MDGA2: variants seen among roughly 807,000 people sequenced by gnomAD.
MDGA2 encodes the protein MAM domain-containing glycosylphosphatidylinositol anchor protein 2.
A neutral mutation model predicts 117.8 loss-of-function variants in MDGA2; 40 were observed. That is an observed-to-expected ratio of 0.34 (90% CI 0.26 to 0.44). The LOEUF (loss-of-function observed/expected upper bound fraction) is 0.44, where lower values mean the gene tolerates loss of function less well. Among genes scored for constraint, MDGA2 ranks in the 20% least tolerant of loss-of-function variants. The probability of loss-of-function intolerance (pLI) is 1.00; values close to 1 mark genes in which losing one functional copy is unlikely to be tolerated. For synonymous variants in MDGA2, 452 were observed against 439.0 expected, an observed-to-expected ratio of 1.03 and a Z score of -0.37; for missense variants, 1,123 against 1,250.6, an observed-to-expected ratio of 0.90 and a Z score of 1.54.
intron 8 of MDGA2, among the ~76,000 whole-genome samples, chr14:47,027,452 C>T (rs1406568549): frequency 1.3e-5 from 2 of 151,920 alleles, no homozygotes; most frequent in Non-Finnish European, 2.9e-5. Flanking sequence ...AATTTTAATA[C>T]ATACACTTTA....
intron 1 of MDGA2, among the ~76,000 whole-genome samples, chr14:47,408,595 T>C (rs1225106501): frequency 6.6e-6 from 1 of 152,148 alleles, no homozygotes; most frequent in African/African-American, 2.4e-5. Flanking sequence ...GCAAGGACAA[T>C]GAAACCTCCA....
chr14:46,991,249 G>T (rs1204824385), intron 8 of MDGA2, among the ~76,000 whole-genome samples: 1 of 152,082 alleles, frequency 6.6e-6, no homozygotes. Context: ...GCCTTAGAAA[G>T]GTCATTTCCT....
intron 1 of MDGA2, among the ~76,000 whole-genome samples, chr14:47,406,595 G>C (rs749643540): frequency 2.6e-5 from 4 of 151,952 alleles, no homozygotes; most frequent in Non-Finnish European, 5.9e-5. Flanking sequence ...AGAAAGAATA[G>C]ACAGAAAGAG....
intron 1 of MDGA2, among the ~76,000 whole-genome samples, chr14:47,517,285 C>T (rs1335772809): frequency 6.6e-6 from 1 of 152,030 alleles, no homozygotes. Flanking sequence ...AAGCTTAAAA[C>T]ACCCCAGAGC....
chr14:47,273,238 T>C (rs1888204851), intron 2 of MDGA2, among the ~76,000 whole-genome samples: 1 of 152,172 alleles, frequency 6.6e-6, no homozygotes, highest in Non-Finnish European at 1.5e-5. Context: ...TCATAATTGT[T>C]ACTTAAAGCC....
At chr14:47,021,813 A>C (rs1228508950) in intron 8 of MDGA2, among the ~76,000 whole-genome samples, 1 of 152,200 alleles carries the variant, frequency 6.6e-6, no homozygotes, top group Admixed American at 6.5e-5. Context: ...AAGTCACACA[A>C]TTAAAATTGG....
chr14:47,021,796 C>G (rs1273077763), intron 8 of MDGA2, among the ~76,000 whole-genome samples: 2 of 152,106 alleles, frequency 1.3e-5, no homozygotes, highest in African/African-American at 4.8e-5. Context: ...ATGGTAGAAA[C>G]AGACACAAGT....
At chr14:47,571,454 C>T (rs557365320) in intron 1 of MDGA2, among the ~76,000 whole-genome samples, 73 of 152,184 alleles carry the variant, frequency 4.8e-4, no homozygotes, top group Admixed American at 1.1e-3. Flanking sequence ...CACATGCACA[C>T]GTATATTTAT....
chr14:47,253,790 AC>A (rs1887525966), intron 2 of MDGA2, among the ~76,000 whole-genome samples: 1 of 152,198 alleles, frequency 6.6e-6, no homozygotes, highest in Admixed American at 6.5e-5. Context: ...TCCCTTCCAC[AC>A]TGGCCTAGCA....
chr14:46,965,269 T>C (rs1885982445), intron 8 of MDGA2, among the ~76,000 whole-genome samples: 1 of 152,050 alleles, frequency 6.6e-6, no homozygotes, highest in Non-Finnish European at 1.5e-5. Flanking sequence ...TCTTTGAAAG[T>C]ATCCGACTTA....
intron 1 of MDGA2, among the ~76,000 whole-genome samples, chr14:47,595,107 T>C (rs115336806): frequency 0.02 from 3,099 of 152,220 alleles, 101 homozygotes; most frequent in African/African-American, 0.069. Context: ...GTTACTCTCT[T>C]ATCCCCGAAA....
chr14:47,131,647 G>C, intron 5 of MDGA2, 67 bp downstream of exon 5: 1 of 1,290,304 alleles, frequency 7.8e-7, no homozygotes, highest in Non-Finnish European at 1.0e-6. Context: ...CTTTAAAAAA[G>C]TTAAAGAGAG....
chr14:47,605,203 A>G (rs1332764949), intron 1 of MDGA2, among the ~76,000 whole-genome samples: 2 of 152,182 alleles, frequency 1.3e-5, no homozygotes, highest in Non-Finnish European at 2.9e-5. Flanking sequence ...TTTTTCAATG[A>G]GTAACACAGC....
intron 1 of MDGA2, among the ~76,000 whole-genome samples, chr14:47,434,736 TTTAG>T (rs1227858661): frequency 6.6e-6 from 1 of 152,154 alleles, no homozygotes; most frequent in African/African-American, 2.4e-5. Flanking sequence ...TCTAGTTTTA[TTTAG>T]TTATAGTTAC....
chr14:46,977,685 T>G (rs770805299), intron 8 of MDGA2, among the ~76,000 whole-genome samples: 1 of 151,968 alleles, frequency 6.6e-6, no homozygotes, highest in African/African-American at 2.4e-5. Flanking sequence ...AAATGCAATA[T>G]AAATTGATCA....
chr14:47,449,783 T>C (rs2138567524), intron 1 of MDGA2, among the ~76,000 whole-genome samples: 1 of 152,204 alleles, frequency 6.6e-6, no homozygotes, highest in South Asian at 2.1e-4. Flanking sequence ...TTTGTGAAAA[T>C]ATTCCAGAAT....
intron 6 of MDGA2, among the ~76,000 whole-genome samples, chr14:47,080,265 T>C (rs887111623): frequency 1.3e-5 from 2 of 152,178 alleles, no homozygotes; most frequent in African/African-American, 2.4e-5. Flanking sequence ...TAAGTTTATA[T>C]TTCACTTACA....
intron 8 of MDGA2, among the ~76,000 whole-genome samples, chr14:46,974,058 C>A (rs979314420): frequency 2.6e-5 from 4 of 151,662 alleles, no homozygotes; most frequent in Admixed American, 2.6e-4. Context: ...CATTTCTATA[C>A]ACTAACAATA....
intron 9 of MDGA2, among the ~76,000 whole-genome samples, chr14:46,920,616 C>T (rs927549877): frequency 6.6e-6 from 1 of 152,018 alleles, no homozygotes; most frequent in African/African-American, 2.4e-5. Context: ...ACGGATATTA[C>T]CAAGGAAGTG....
Sources: gnomAD v4.1 joint callset for allele counts (sites outside exome capture counted in the v4.1 genomes callset) on GRCh38, gnomAD v4.1.1 for gene constraint, MANE v1.5 for transcripts, NCBI Gene and HGNC (gene_info 2026-07-23, HGNC 2026-07-21) for gene names.